Variants in ZHX2 observed in about 807,000 individuals in gnomAD.
ZHX2 encodes zinc fingers and homeoboxes 2.
ZHX2 carries 6 observed loss-of-function variants against 21.9 expected under a neutral mutation model. That is an observed-to-expected ratio of 0.27 (90% confidence interval 0.15 to 0.54). ZHX2 has a LOEUF of 0.54. Ranked by LOEUF, ZHX2 falls within the 20% of genes least tolerant of loss-of-function variation. The pLI is 0.95. For synonymous variants in ZHX2, 434 were observed against 437.1 expected, an observed-to-expected ratio of 0.99 and a Z score of 0.09; for missense variants, 908 against 1,090.7, an observed-to-expected ratio of 0.83 and a Z score of 2.36.
chr8:122,855,431 G>A (rs187791404), intron 1 of ZHX2, among the ~76,000 whole-genome samples: 2 of 152,114 alleles, frequency 1.3e-5, no homozygotes, highest in African/African-American at 4.8e-5. Flanking sequence ...GCACTGGCCG[G>A]GTCAGAGTGT....
chr8:122,865,345 G>T (rs1309324382), intron 2 of ZHX2, among the ~76,000 whole-genome samples: 2 of 152,066 alleles, frequency 1.3e-5, no homozygotes, highest in African/African-American at 2.4e-5. Flanking sequence ...AGCCAGGATG[G>T]TCTCGATCTC....
At chr8:122,922,856 C>G (rs1376169442) in intron 2 of ZHX2, among the ~76,000 whole-genome samples, 2 of 151,510 alleles carry the variant, frequency 1.3e-5, no homozygotes, top group Non-Finnish European at 2.9e-5. Context: ...GAGTGGCCAG[C>G]ATAGAGCTGT....
At chr8:122,805,373 A>T (rs960500540) in intron 1 of ZHX2, among the ~76,000 whole-genome samples, 2 of 152,136 alleles carry the variant, frequency 1.3e-5, no homozygotes, top group African/African-American at 2.4e-5. Context: ...CCCATACTTC[A>T]GGCCTGGCAT....
At chr8:122,964,015 C>T (rs1813520204) in intron 3 of ZHX2, among the ~76,000 whole-genome samples, 1 of 152,028 alleles carries the variant, frequency 6.6e-6, no homozygotes, top group Admixed American at 6.6e-5. Flanking sequence ...TTCTGAAACA[C>T]TGAATTCATT....
In ZHX2 at chr8:122,800,909, C is replaced by T. The variant is rs142268202; in HGVS notation, c.-283+18963C>T. On this transcript the variant is annotated intron_variant, in intron 1 of 3. Coordinates refer to ENST00000314393, the MANE Select transcript of ZHX2 (RefSeq NM_014943.5). ...GTTATGGCTTGTGTAGACAGGTGCG[C>T]GTGCACAAAAACATACAAACACACA... Among the ~76,000 whole-genome samples, 198 of 152,232 alleles carry T rather than the reference C, an allele frequency of 1.3e-3. 2 individuals are homozygous for T. Among genetic ancestry groups the T allele is most frequent in the East Asian group, 3.9e-3 (20 of 5,176 alleles).
intron 1 of ZHX2, among the ~76,000 whole-genome samples, chr8:122,784,869 A>G (rs1817362110): frequency 6.6e-6 from 1 of 152,184 alleles, no homozygotes; most frequent in Non-Finnish European, 1.5e-5. Flanking sequence ...CCCAGAACAC[A>G]CACACTCTGC....
chr8:122,921,068 T>C (rs1820726058), intron 2 of ZHX2, among the ~76,000 whole-genome samples: 3 of 151,908 alleles, frequency 2.0e-5, no homozygotes, highest in African/African-American at 7.3e-5. Flanking sequence ...TGTTTTTTTT[T>C]GGTTTTGTTT....
rs4871328 is a variant in ZHX2 at position 122,947,222 on chromosome 8, G to A, written c.-219-4070G>A. ...AGAGGTTGCAGTGAGCTGAGATCGT[G>A]CCATTGCACTCCAGCCTGGGCAACA... On this transcript the variant is annotated intron_variant, in intron 2 of 3. Transcript: ENST00000314393. Among the ~76,000 whole-genome samples, 1,512 of 151,518 alleles carry A rather than the reference G, an allele frequency of 1.0e-2. 37 individuals are homozygous for A. The highest frequency in any genetic ancestry group is 0.053 in the Admixed American group (800 of 15,202).
At chr8:122,917,482 A>G (rs994659690) in intron 2 of ZHX2, among the ~76,000 whole-genome samples, 3 of 152,004 alleles carry the variant, frequency 2.0e-5, no homozygotes, top group Admixed American at 2.0e-4. Flanking sequence ...GTTACTTTCT[A>G]CCATGGAGCC....
At chr8:122,906,666 C>CTTATTTCCT (rs1554633148) in intron 2 of ZHX2, among the ~76,000 whole-genome samples, 3 of 123,430 alleles carry the variant, frequency 2.4e-5, no homozygotes, top group African/African-American at 9.5e-5. Flanking sequence ...ACATAATTTC[C>CTTATTTCCT]TTTTTTTTTT....
chr8:122,791,546 T>C (rs1009355009), intron 1 of ZHX2, among the ~76,000 whole-genome samples: 1 of 152,112 alleles, frequency 6.6e-6, no homozygotes, highest in East Asian at 1.9e-4. Context: ...CAGATACTTA[T>C]CTGATCATAA....
intron 2 of ZHX2, among the ~76,000 whole-genome samples, chr8:122,938,350 A>G (rs7826199): frequency 0.67 from 101,589 of 151,888 alleles, 34,291 homozygotes; most frequent in East Asian, 0.77. Flanking sequence ...CTTGCCAGCC[A>G]CCTGCAGCTG....
At chr8:122,790,039 G>C (rs16897427) in intron 1 of ZHX2, among the ~76,000 whole-genome samples, 1,766 of 152,344 alleles carry the variant, frequency 0.012, 27 homozygotes, top group African/African-American at 0.035. Context: ...TTGCATTCGA[G>C]AGTGTGAACT....
intron 2 of ZHX2, among the ~76,000 whole-genome samples, chr8:122,938,285 G>A (rs1333679631): frequency 1.3e-5 from 2 of 152,138 alleles, no homozygotes; most frequent in Non-Finnish European, 2.9e-5. Context: ...TTTCAGTGGA[G>A]AGTGGCCACT....
intron 2 of ZHX2, among the ~76,000 whole-genome samples, chr8:122,902,303 G>T (rs766057149): frequency 1.2e-4 from 18 of 152,196 alleles, no homozygotes; most frequent in Non-Finnish European, 2.5e-4. Flanking sequence ...ATTAGAAAAA[G>T]TCAGGCAAGT....
At position 122,951,300 on chromosome 8, in the gene ZHX2, C is replaced by A; in HGVS notation, c.-211C>A. ...TTTGTTCTTGTCCACAGATATGATG[C>A]TTCCTGGTGTGTTTAGTGGTTGGTG... On this transcript the variant is annotated 5_prime_UTR_variant, in exon 3 of 4. Transcript: ENST00000314393. 1 of 563,068 alleles carries A rather than the reference C, an allele frequency of 1.8e-6. No individual in the cohort carries two copies. 34.9% of individuals were successfully genotyped at this position (563,068 alleles called of 1,614,324 possible).
At chr8:122,791,541 A>G (rs1266397473) in intron 1 of ZHX2, among the ~76,000 whole-genome samples, 1 of 152,212 alleles carries the variant, frequency 6.6e-6, no homozygotes, top group Non-Finnish European at 1.5e-5. Flanking sequence ...AGCAACAGAT[A>G]CTTATCTGAT....
chr8:122,819,849 C>T (rs971481875), intron 1 of ZHX2, among the ~76,000 whole-genome samples: 1 of 152,214 alleles, frequency 6.6e-6, no homozygotes, highest in African/African-American at 2.4e-5. Flanking sequence ...CTTTCTCTCC[C>T]GTATCCTTAA....
At chr8:122,927,983 A>G (rs960559326) in intron 2 of ZHX2, among the ~76,000 whole-genome samples, 4 of 152,088 alleles carry the variant, frequency 2.6e-5, no homozygotes, top group Non-Finnish European at 5.9e-5. Flanking sequence ...CAGGATAAAC[A>G]CTACTGAGGT....
Sources: gnomAD v4.1 joint callset for allele counts (sites outside exome capture counted in the v4.1 genomes callset) on GRCh38, gnomAD v4.1.1 for gene constraint, MANE v1.5 for transcripts, NCBI Gene and HGNC (gene_info 2026-07-23, HGNC 2026-07-21) for gene names.